The following MEI4 variants were observed in gnomAD, a reference collection of about 807,000 sequenced individuals.
MEI4 encodes meiosis-specific protein MEI4.
MEI4 carries 27 observed loss-of-function variants against 31.4 expected under a neutral mutation model. The ratio of observed to expected loss-of-function variants is 0.86; its 90% CI spans 0.63 to 1.19. The LOEUF is 1.19. Among genes scored for constraint, MEI4 ranks in the 50% most tolerant of loss-of-function variants. The pLI is 0.00. For synonymous variants in MEI4, 122 were observed against 145.4 expected (o/e 0.84, Z 1.16); for missense variants, 329 against 398.9 (o/e 0.82, Z 1.49).
intron 4 of MEI4, among the ~76,000 whole-genome samples, chr6:77,862,799 A>G (rs1221705532): frequency 2.0e-5 from 3 of 152,148 alleles, no homozygotes; most frequent in African/African-American, 7.2e-5. Context: ...CCTGACCCCC[A>G]AGTAGCCTAA....
At chr6:77,666,855 C>T (rs1401785540) in intron 1 of MEI4, among the ~76,000 whole-genome samples, 1 of 110,874 alleles carries the variant, frequency 9.0e-6, no homozygotes, top group African/African-American at 3.9e-5. Flanking sequence ...TTCTACATGC[C>T]TCTGTGTGTG....
chr6:77,916,534 C>A (rs1766552452), intron 4 of MEI4, among the ~76,000 whole-genome samples: 1 of 152,004 alleles, frequency 6.6e-6, no homozygotes, highest in African/African-American at 2.4e-5. Flanking sequence ...ATTTCCTCAG[C>A]TCTAAGCAGT....
At chr6:77,753,340 T>C (rs1370597718) in intron 2 of MEI4, among the ~76,000 whole-genome samples, 3 of 152,028 alleles carry the variant, frequency 2.0e-5, no homozygotes, top group Admixed American at 2.0e-4. Context: ...AGAAAAGTTT[T>C]ACAATCTATC....
chr6:77,703,395 G>A (rs1025497603), intron 2 of MEI4, among the ~76,000 whole-genome samples: 10 of 152,112 alleles, frequency 6.6e-5, no homozygotes, highest in Non-Finnish European at 1.5e-4. Context: ...AATCAGAATG[G>A]GATAAATGAA....
Position 77,921,698 on chromosome 6 carries a change from T to C in MEI4, c.901-1391T>C, listed in dbSNP as rs183468083. Among the ~76,000 whole-genome samples the C allele has an allele frequency of 1.1e-4, 17 of 151,862 alleles. No homozygotes were observed. In the South Asian group the frequency reaches 1.7e-3, roughly 15 times the overall value. ...CTTTCACTTGAACACTTAGAGGCCATTTGTAGGGTTATTAATTGGCCTGAT... is the reference window on the plus strand; with the variant it reads ...CTTTCACTTGAACACTTAGAGGCCACTTGTAGGGTTATTAATTGGCCTGAT... On this transcript the variant is annotated intron_variant, in intron 4 of 4. Coordinates refer to ENST00000684080, the MANE Select transcript of MEI4 (RefSeq NM_001322247.2).
intron 2 of MEI4, among the ~76,000 whole-genome samples, chr6:77,736,292 G>A (rs527275656): frequency 2.0e-5 from 3 of 151,882 alleles, no homozygotes; most frequent in Non-Finnish European, 2.9e-5. Flanking sequence ...GCAAGACTCC[G>A]TGGGCGTATT....
At chr6:77,743,412 G>T (rs540243568) in intron 2 of MEI4, among the ~76,000 whole-genome samples, 46 of 151,986 alleles carry the variant, frequency 3.0e-4, no homozygotes, top group Admixed American at 9.8e-4. Flanking sequence ...TCATAATTTG[G>T]CTCTCTGTTT....
chr6:77,889,571 G>A (rs749973793), intron 4 of MEI4, among the ~76,000 whole-genome samples: 3 of 152,074 alleles, frequency 2.0e-5, no homozygotes, highest in Non-Finnish European at 2.9e-5. Flanking sequence ...ACAATGCAGT[G>A]GAAAAAGTAA....
chr6:77,777,973 TA>T, intron 3 of MEI4, among the ~76,000 whole-genome samples: 1 of 151,988 alleles, frequency 6.6e-6, no homozygotes, highest in Admixed American at 6.6e-5. Flanking sequence ...TGCCGATGAA[TA>T]AAACAAGGTA....
chr6:77,832,321 T>C (rs1285411590), intron 4 of MEI4, among the ~76,000 whole-genome samples: 3 of 151,958 alleles, frequency 2.0e-5, no homozygotes, highest in Admixed American at 2.0e-4. Flanking sequence ...TTCTAAGTAG[T>C]CACTAATTCA....
At chr6:77,791,801 G>T (rs928571498) in intron 3 of MEI4, among the ~76,000 whole-genome samples, 2 of 151,932 alleles carry the variant, frequency 1.3e-5, no homozygotes, top group African/African-American at 4.8e-5. Context: ...CTAATCTCTA[G>T]TAATTTTCAA....
intron 4 of MEI4, among the ~76,000 whole-genome samples, chr6:77,881,278 T>C (rs1771482830): frequency 6.6e-6 from 1 of 152,188 alleles, no homozygotes; most frequent in African/African-American, 2.4e-5. Context: ...ACAAGAGAAT[T>C]ATACTATTCC....
intron 1 of MEI4, among the ~76,000 whole-genome samples, 189 bp from the exon 2 acceptor site, chr6:77,690,469 T>G (rs1246375194): frequency 6.6e-6 from 1 of 152,022 alleles, no homozygotes; most frequent in African/African-American, 2.4e-5. Flanking sequence ...TATGCATGTG[T>G]GTGTATTTTT....
intron 2 of MEI4, among the ~76,000 whole-genome samples, chr6:77,744,227 T>A (rs181280813): frequency 1.2e-3 from 188 of 151,760 alleles, no homozygotes; most frequent in South Asian, 3.8e-3. Context: ...TTGAAAAAAA[T>A]TTAGACGAAT....
At chr6:77,873,238 G>A (rs919265928) in intron 4 of MEI4, among the ~76,000 whole-genome samples, 7 of 152,226 alleles carry the variant, frequency 4.6e-5, no homozygotes, top group African/African-American at 4.8e-5. Flanking sequence ...AAGTGTTCCT[G>A]TTTCTCCACA....
At chr6:77,788,697 G>A (rs1456064871) in intron 3 of MEI4, among the ~76,000 whole-genome samples, 1 of 152,052 alleles carries the variant, frequency 6.6e-6, no homozygotes, top group African/African-American at 2.4e-5. Context: ...AACTTACAAG[G>A]TATGTGAAAG....
chr6:77,838,127 C>G (rs910219519), intron 4 of MEI4, among the ~76,000 whole-genome samples: 4 of 152,114 alleles, frequency 2.6e-5, no homozygotes, highest in Admixed American at 2.6e-4. Flanking sequence ...CATTAATACA[C>G]ATTTATAAAA....
intron 2 of MEI4, among the ~76,000 whole-genome samples, chr6:77,750,692 T>C (rs535531286): frequency 2.0e-5 from 3 of 152,192 alleles, no homozygotes; most frequent in South Asian, 2.1e-4. Flanking sequence ...CACCCCACTG[T>C]CAACATTGGA....
intron 2 of MEI4, among the ~76,000 whole-genome samples, chr6:77,752,997 G>A (rs909702551): frequency 2.6e-5 from 4 of 152,150 alleles, no homozygotes; most frequent in Non-Finnish European, 5.9e-5. Context: ...AACAAGAAAT[G>A]GGGAAAGGAT....
Sources: gnomAD v4.1 joint callset for allele counts (sites outside exome capture counted in the v4.1 genomes callset) on GRCh38, gnomAD v4.1.1 for gene constraint, MANE v1.5 for transcripts, NCBI Gene and HGNC (gene_info 2026-07-23, HGNC 2026-07-21) for gene names.